The following CNTN1 variants were observed in gnomAD, a reference collection of about 807,000 sequenced individuals.
CNTN1 encodes contactin-1.
In CNTN1, 38 loss-of-function variants were observed where a neutral mutation model predicts 126.4. That is an observed-to-expected ratio of 0.30 (90% confidence interval 0.23 to 0.39). The LOEUF (loss-of-function observed/expected upper bound fraction) is 0.39, where lower values mean the gene tolerates loss of function less well. Ranked by LOEUF, CNTN1 falls within the 10% of genes least tolerant of loss-of-function variation. The pLI is 1.00. For missense variants in CNTN1, 1,009 were observed against 1,248.4 expected, an observed-to-expected ratio of 0.81 and a Z score of 2.89; for synonymous variants, 413 against 422.6, an observed-to-expected ratio of 0.98 and a Z score of 0.28.
chr12:40,863,628 G>A (rs1196836034), intron 1 of CNTN1, among the ~76,000 whole-genome samples: 3 of 152,082 alleles, frequency 2.0e-5, no homozygotes, highest in Non-Finnish European at 2.9e-5. Flanking sequence ...CAGCAGATGT[G>A]CAAATATTAC....
At chr12:40,722,560 A>G (rs1942243852) in intron 1 of CNTN1, among the ~76,000 whole-genome samples, 1 of 152,198 alleles carries the variant, frequency 6.6e-6, no homozygotes, top group Non-Finnish European at 1.5e-5. Context: ...ACAGAGAGTC[A>G]AAATAGTTAT....
At chr12:41,037,033 A>T (rs564824313) in intron 23 of CNTN1, among the ~76,000 whole-genome samples, 1 of 152,254 alleles carries the variant, frequency 6.6e-6, no homozygotes, top group East Asian at 1.9e-4. Flanking sequence ...AATTCTGTTC[A>T]TGCCCTTTCT....
At position 40,944,237 on chromosome 12, in the gene CNTN1, A is replaced by G. The variant is rs117742571; in HGVS notation, c.1683+67A>G. On this transcript the variant is annotated intron_variant, in intron 14 of 23. Coordinates refer to ENST00000551295, the MANE Select transcript of CNTN1 (RefSeq NM_001843.4). ...CCTATGTGTCTGCATTGAAAGTTCT[A>G]TTACTATAATCACATTTTATATCAT... is the stretch of plus-strand genomic sequence containing the variant. 0.056 allele frequency: 77,417 copies of G among 1,394,546 alleles called. 2,667 individuals carry two copies. Among genetic ancestry groups the G allele is most frequent in the Middle Eastern group, 0.09 (490 of 5,416 alleles). The allele number at this position is 1,394,546 out of a possible 1,614,324, so 86.4% of individuals were successfully genotyped here. A position where few individuals can be genotyped will look rare whatever the true frequency, so the allele number is the denominator to read the frequency against.
rs115109297 is a variant in CNTN1 at position 41,029,864 on chromosome 12, T to A, written c.2980+645T>A. On this transcript the variant is annotated intron_variant, in intron 23 of 23. Coordinates refer to ENST00000551295, the MANE Select transcript of CNTN1 (RefSeq NM_001843.4). ...TTCTACAAACTCTATTTCTCACACC[T>A]TTGTTTGATTTGGAAATACATATAT... Among the ~76,000 whole-genome samples the A allele has an allele frequency of 4.7e-3, 710 of 152,178 alleles. 4 individuals carry two copies. Among genetic ancestry groups the A allele is most frequent in the African/African-American group, 0.015 (628 of 41,546 alleles).
intron 23 of CNTN1, among the ~76,000 whole-genome samples, chr12:41,044,583 T>G (rs10879578): frequency 0.14 from 22,003 of 152,072 alleles, 2,042 homozygotes; most frequent in African/African-American, 0.27. Context: ...TCACCTCAAA[T>G]AACTGCATTT....
At chr12:40,901,944 CA>C (rs1457610662) in intron 1 of CNTN1, among the ~76,000 whole-genome samples, 1 of 152,142 alleles carries the variant, frequency 6.6e-6, no homozygotes, top group Admixed American at 6.5e-5. Context: ...TGATCTAAAA[CA>C]TACCATTAGT....
chr12:40,994,434 A>G (rs1948164787), intron 17 of CNTN1, among the ~76,000 whole-genome samples: 1 of 152,120 alleles, frequency 6.6e-6, no homozygotes, highest in Non-Finnish European at 1.5e-5. Flanking sequence ...TTTTTCTGCA[A>G]TTTTAGTGAA....
intron 16 of CNTN1, among the ~76,000 whole-genome samples, chr12:40,983,870 ATATTTTATTTTATGCTATTATAG>A (rs1947883506): frequency 3.0e-5 from 2 of 66,744 alleles, no homozygotes; most frequent in African/African-American, 7.1e-5. Context: ...CTATTATAGC[ATATTTTATTTTATGCTATTATAG>A]CATATTTTAT....
At chr12:40,819,113 C>T (rs1941357234) in intron 1 of CNTN1, among the ~76,000 whole-genome samples, 1 of 152,116 alleles carries the variant, frequency 6.6e-6, no homozygotes, top group South Asian at 2.1e-4. Flanking sequence ...TAGGATCGCT[C>T]CTGTATAGGG....
intron 15 of CNTN1, among the ~76,000 whole-genome samples, chr12:40,961,280 A>G (rs1477811864): frequency 2.0e-5 from 3 of 152,066 alleles, no homozygotes; most frequent in Non-Finnish European, 2.9e-5. Context: ...AATAATAGAA[A>G]AAGTATCCAT....
chr12:41,054,667 T>G (rs190606868), intron 23 of CNTN1, among the ~76,000 whole-genome samples: 77 of 152,208 alleles, frequency 5.1e-4, no homozygotes, highest in Admixed American at 5.0e-3. Context: ...GTACTTCACA[T>G]AGAATAATGT....
chr12:40,987,276 A>G (rs1947978411), intron 16 of CNTN1, among the ~76,000 whole-genome samples: 1 of 152,196 alleles, frequency 6.6e-6, no homozygotes, highest in African/African-American at 2.4e-5. Context: ...AAAGATATCA[A>G]TTTTCAGTGT....
At chr12:40,916,948 C>T (rs1365419693) in intron 3 of CNTN1, among the ~76,000 whole-genome samples, 2 of 148,764 alleles carry the variant, frequency 1.3e-5, no homozygotes, top group Non-Finnish European at 3.0e-5. Context: ...GGTCTATAAA[C>T]TATTGAATAA....
chr12:40,868,394 A>T (rs889102728), intron 1 of CNTN1, among the ~76,000 whole-genome samples: 1 of 152,172 alleles, frequency 6.6e-6, no homozygotes, highest in Admixed American at 6.6e-5. Flanking sequence ...TCCTTGGTAG[A>T]TGGGAGCAGA....
chr12:40,802,348 T>C lies in CNTN1; in HGVS notation c.-76-106009T>C, dbSNP rs139576135. On this transcript the variant is annotated intron_variant, in intron 1 of 23. Transcript: ENST00000551295. The stretch of plus-strand genomic sequence containing the variant: ...TGTTTGTATGACACCCAGGTGTAAA[T>C]ATTAAGTATGAGGTAACTTCAGTAT... 1.4e-3 allele frequency among the ~76,000 whole-genome samples: 210 copies of C among 152,078 alleles called. 1 individual carries two copies. The highest frequency in any genetic ancestry group is 4.9e-3 in the African/African-American group (203 of 41,514).
intron 14 of CNTN1, among the ~76,000 whole-genome samples, chr12:40,955,800 C>T (rs575004212): frequency 2.0e-5 from 3 of 152,184 alleles, no homozygotes; most frequent in South Asian, 4.1e-4. Context: ...AATAACTAAT[C>T]CAGCCTTACA....
At chr12:40,797,793 T>C (rs1940495227) in intron 1 of CNTN1, among the ~76,000 whole-genome samples, 1 of 151,958 alleles carries the variant, frequency 6.6e-6, no homozygotes, top group Non-Finnish European at 1.5e-5. Flanking sequence ...AGTTATGCAG[T>C]ACAAAACAAG....
At chr12:40,887,801 T>C (rs562732898) in intron 1 of CNTN1, among the ~76,000 whole-genome samples, 9 of 152,170 alleles carry the variant, frequency 5.9e-5, no homozygotes, top group African/African-American at 2.2e-4. Flanking sequence ...TAAGAAAATG[T>C]GGCGCGTATA....
intron 1 of CNTN1, among the ~76,000 whole-genome samples, chr12:40,906,958 G>T (rs1320080867): frequency 6.6e-6 from 1 of 152,118 alleles, no homozygotes; most frequent in Non-Finnish European, 1.5e-5. Context: ...GATTACAGGT[G>T]TGAGCCACTG....
Sources: allele counts gnomAD v4.1 joint callset (sites outside exome capture counted in the v4.1 genomes callset), GRCh38; gene constraint gnomAD v4.1.1; transcripts MANE v1.5; gene names NCBI Gene and HGNC (gene_info 2026-07-23, HGNC 2026-07-21).